Variants in ZNF76 observed in about 807,000 individuals in gnomAD.
ZNF76 encodes zinc finger protein 76.
A neutral mutation model predicts 66.9 loss-of-function variants in ZNF76; 66 were observed. The observed-to-expected ratio is 0.99, with a 90% CI of 0.81 to 1.21. The LOEUF is 1.21. ZNF76 is among the 50% of genes most tolerant of loss of function. The pLI is 0.00. For synonymous variants in ZNF76, 275 were observed against 296.1 expected (o/e 0.93, Z 0.73); for missense variants, 729 against 760.3 (o/e 0.96, Z 0.48).
Position 35,281,204 on chromosome 6 carries a change from A to G in ZNF76, c.53A>G (p.Tyr18Cys). 6.2e-7 allele frequency: 1 copy of G among 1,613,890 alleles called. No individual in the cohort carries two copies. The highest frequency in any genetic ancestry group is 8.5e-7 in the Non-Finnish European group (1 of 1,180,030). ...ACCCTTAGTGATGGGACAACAGCCT[A>G]CGTCCAGCAAGCTGTCAAAGGTAAG... The part of the protein sequence containing the change: ...TVTLSDGTTA[Y>C]VQQAVKGEKL... The change falls in exon 2 of 14, where the codon TAC becomes TGC. Residue 18 changes from tyrosine to cysteine, a missense_variant. Tyr to Cys is a radical substitution (Grantham distance 194). Coordinates refer to ENST00000373953, the MANE Select transcript of ZNF76 (RefSeq NM_003427.5).
intron 7 of ZNF76, 130 bp downstream of exon 7, chr6:35,290,846 G>A (rs1790277726): frequency 1.2e-6 from 1 of 868,872 alleles, no homozygotes; most frequent in East Asian, 2.5e-5. Context: ...CTGACTTGCA[G>A]GGTGCTCTCT....
intron 1 of ZNF76, among the ~76,000 whole-genome samples, chr6:35,262,969 C>T (rs1462383664): frequency 6.6e-6 from 1 of 152,160 alleles, no homozygotes; most frequent in Non-Finnish European, 1.5e-5. Flanking sequence ...CAGCCATCCT[C>T]ACCTCACCAA....
chr6:35,259,935 A>C (rs1581983688), intron 1 of ZNF76, 94 bp downstream of exon 1: 1 of 150,650 alleles, frequency 6.6e-6, no homozygotes, highest in African/African-American at 2.4e-5. Context: ...CGGCGTGCCC[A>C]CCTCCCTCCG....
Position 35,295,569 on chromosome 6 carries a change from C to T in ZNF76, c.*321C>T. 2.7e-6 allele frequency: 1 copy of T among 375,978 alleles called. No homozygotes were observed. Among genetic ancestry groups the T allele is most frequent in the Non-Finnish European group, 5.2e-6 (1 of 192,968 alleles). The allele number at this position is 375,978 out of a possible 1,614,324, so 23.3% of individuals were successfully genotyped here. On this transcript the variant is annotated 3_prime_UTR_variant, in exon 14 of 14. Transcript: ENST00000373953. The stretch of plus-strand genomic sequence containing the variant: ...CCCTTCTGGCCCTCAGTCTGTTCCC[C>T]TTCTCAGGTAGAGATTGGGGCTGCT...
At chr6:35,294,136 G>A in intron 12 of ZNF76, 1 of 612,420 alleles carries the variant, frequency 1.6e-6, no homozygotes, top group East Asian at 2.8e-5. Flanking sequence ...ATTCAACCCT[G>A]ATTTGTTGTG....
At chr6:35,291,009 T>C in intron 7 of ZNF76, 1 of 594,552 alleles carries the variant, frequency 1.7e-6, no homozygotes. Context: ...TCTCTGGGCT[T>C]ATTTTCCCCT....
chr6:35,295,693 T>G lies in ZNF76; in HGVS notation c.*445T>G, dbSNP rs999901249. 4.8e-6 allele frequency: 1 copy of G among 206,988 alleles called. No individual in the cohort carries two copies. Among genetic ancestry groups the G allele is most frequent in the African/African-American group, 2.3e-5 (1 of 44,384 alleles). The allele number at this position is 206,988 out of a possible 1,614,324, so 12.8% of individuals were successfully genotyped here. On this transcript the variant is annotated 3_prime_UTR_variant, in exon 14 of 14. Transcript: ENST00000373953. ...GCCCTCCCAGCAATAACCACCTCCC[T>G]GGAGGCCAGCTGAGATGCCTGGCTA... is the stretch of plus-strand genomic sequence containing the variant.
chr6:35,281,309 C>T, intron 2 of ZNF76, 85 bp downstream of exon 2: 2 of 1,299,590 alleles, frequency 1.5e-6, no homozygotes, highest in African/African-American at 1.5e-5. Flanking sequence ...CCCACCATCA[C>T]CTTGCCCTCC....
intron 7 of ZNF76, chr6:35,290,982 G>A: frequency 1.7e-6 from 1 of 594,230 alleles, no homozygotes; most frequent in South Asian, 2.0e-5. Context: ...GTGGATTATT[G>A]GGTGGGCCAT....
At chr6:35,262,480 G>A (rs1485290779) in intron 1 of ZNF76, among the ~76,000 whole-genome samples, 1 of 152,058 alleles carries the variant, frequency 6.6e-6, no homozygotes. Context: ...GACGCTTCCA[G>A]CCCTTTCCCT....
intron 1 of ZNF76, among the ~76,000 whole-genome samples, chr6:35,267,052 G>T (rs1363368074): frequency 6.6e-6 from 1 of 151,882 alleles, no homozygotes; most frequent in Non-Finnish European, 1.5e-5. Context: ...GCCCGCCTTG[G>T]CCTCCCAAAG....
intron 1 of ZNF76, 78 bp downstream of exon 1, chr6:35,259,919 C>G (rs1225803184): frequency 6.6e-6 from 1 of 152,146 alleles, no homozygotes; most frequent in Non-Finnish European, 1.5e-5. Context: ...GGGAAGGTCC[C>G]GAGCCCGGCG....
Position 35,295,195 on chromosome 6 carries a change from A to G in ZNF76, c.1660A>G (p.Met554Val), listed in dbSNP as rs765057769. 6.2e-7 allele frequency: 1 copy of G among 1,612,412 alleles called. No homozygotes were observed. The highest frequency in any genetic ancestry group is 8.5e-7 in the Non-Finnish European group (1 of 1,179,294). The change falls in exon 14 of 14, where the codon ATG (methionine) becomes GTG (valine). Residue 554 changes from methionine (M) to valine (V), a missense_variant. By Grantham distance (21) the Met-to-Val change is conservative. Transcript: ENST00000373953. ...EEAINVATAA[M>V]QQGAVTLETT... ...GGCCATCAATGTGGCCACTGCGGCC[A>G]TGCAGCAAGGGGCTGTGACCCTGGA...
chr6:35,265,157 TAAAC>T (rs750882162), intron 1 of ZNF76, among the ~76,000 whole-genome samples: 1 of 151,854 alleles, frequency 6.6e-6, no homozygotes, highest in Non-Finnish European at 1.5e-5. Flanking sequence ...AGACAGACAA[TAAAC>T]AAATAAGTAA....
intron 1 of ZNF76, among the ~76,000 whole-genome samples, chr6:35,280,338 C>T (rs538542690): frequency 3.9e-5 from 6 of 151,934 alleles, no homozygotes; most frequent in South Asian, 4.2e-4. Flanking sequence ...TCCAGCTGGG[C>T]GACAGAGTGA....
intron 2 of ZNF76, among the ~76,000 whole-genome samples, chr6:35,281,718 G>T (rs1788792368): frequency 6.6e-6 from 1 of 152,054 alleles, no homozygotes; most frequent in Admixed American, 6.6e-5. Context: ...ATCACTTGAG[G>T]CCGGGAGTTG....
intron 1 of ZNF76, among the ~76,000 whole-genome samples, chr6:35,280,699 G>A (rs1205254320): frequency 1.3e-5 from 2 of 152,142 alleles, no homozygotes; most frequent in Non-Finnish European, 2.9e-5. Flanking sequence ...TAGATAAATG[G>A]GTCCGAGCAC....
intron 1 of ZNF76, among the ~76,000 whole-genome samples, chr6:35,280,528 C>A (rs1302041488): frequency 1.5e-5 from 2 of 137,804 alleles, no homozygotes; most frequent in African/African-American, 2.7e-5. Flanking sequence ...CCCCCCCCCC[C>A]CGCCCTGAAG....
chr6:35,274,798 A>T (rs1417307395), intron 1 of ZNF76, among the ~76,000 whole-genome samples: 1 of 152,216 alleles, frequency 6.6e-6, no homozygotes, highest in Non-Finnish European at 1.5e-5. Flanking sequence ...AAACACATCG[A>T]TATATTGCAA....
Sources: allele counts gnomAD v4.1 joint callset (sites outside exome capture counted in the v4.1 genomes callset), GRCh38; gene constraint gnomAD v4.1.1; transcripts MANE v1.5; gene names NCBI Gene and HGNC (gene_info 2026-07-23, HGNC 2026-07-21).